DNAH14: variants seen among roughly 807,000 people sequenced by gnomAD.
The protein encoded by DNAH14 is dynein axonemal heavy chain 14.
A neutral mutation model predicts 520.9 loss-of-function variants in DNAH14; 478 were observed. That is an observed-to-expected ratio of 0.92 (90% confidence interval 0.85 to 0.99). The LOEUF (loss-of-function observed/expected upper bound fraction) is 0.99. Ranked by LOEUF, DNAH14 falls within the 50% of genes least tolerant of loss-of-function variation. The pLI is 0.00. For missense variants in DNAH14, 4,831 were observed against 5,234.5 expected (o/e 0.92, Z 2.38); for synonymous variants, 1,581 against 1,757.2 (o/e 0.90, Z 2.51).
At chr1:225,396,785 A>C (rs540865183) in intron 84 of DNAH14, 5 of 152,310 alleles carry the variant, frequency 3.3e-5, no homozygotes, top group African/African-American at 1.2e-4. Context: ...GCTGTTTACA[A>C]ATTACCTACA....
Position 225,307,462 on chromosome 1 carries a change from G to T in DNAH14, c.9007G>T (p.Asp3003Tyr), listed in dbSNP as rs1217361350. The change falls in exon 59 of 86, where the codon GAT becomes TAT. Residue 3003 changes from aspartate (D) to tyrosine (Y), a missense_variant and splice_region_variant. By Grantham distance (160) the Asp-to-Tyr change is radical. Coordinates refer to ENST00000682510, the MANE Select transcript of DNAH14 (RefSeq NM_001367479.1). ...TCTTAATACTTTTTCTTCCTTCAGG[G>T]ATCGCTTCCATATGGGTCTATCCAC... ...AREEEMQTKR[D>Y]RFHMGLSTIL... 10 of 1,525,976 alleles carry T rather than the reference G, an allele frequency of 6.6e-6. No individual in the cohort carries two copies. In the East Asian group the frequency reaches 1.0e-4, roughly 15 times the overall value. 94.5% of individuals were successfully genotyped at this position (1,525,976 alleles called of 1,614,324 possible).
intron 81 of DNAH14, among the ~76,000 whole-genome samples, chr1:225,386,680 G>A (rs1193988735): frequency 2.0e-4 from 30 of 152,182 alleles, no homozygotes; most frequent in African/African-American, 4.3e-4. Context: ...AACCACAATG[G>A]GATACCATCT....
chr1:225,006,068 C>T (rs929741191), intron 9 of DNAH14, among the ~76,000 whole-genome samples: 2 of 152,088 alleles, frequency 1.3e-5, no homozygotes, highest in African/African-American at 2.4e-5. Context: ...CAGATAAATA[C>T]TTTTATAATT....
chr1:224,948,631 A>G lies in DNAH14; in HGVS notation c.-33-4039A>G, dbSNP rs577586543. Among the ~76,000 whole-genome samples, 6 of 151,698 alleles carry G rather than the reference A, an allele frequency of 4.0e-5. No homozygotes were observed. In the South Asian group the frequency reaches 8.3e-4, roughly 21 times the overall value. On this transcript the variant is annotated intron_variant, in intron 1 of 85. Transcript: ENST00000682510. The stretch of plus-strand genomic sequence containing the variant: ...CTTTCTCTTTTGTTCTGACTCTTCT[A>G]TTTATCTTTCTGTCTCCTCTTAGAT...
In DNAH14 at chr1:224,945,013, G is replaced by T. The variant is rs986267695; in HGVS notation, c.-33-7657G>T. ...GAGGAATATCTTTGTGGCATTCTCTGTATTTCCTGAATTTGAATGTTGGCC... is the reference window on the plus strand; with the variant it reads ...GAGGAATATCTTTGTGGCATTCTCTTTATTTCCTGAATTTGAATGTTGGCC... On this transcript the variant is annotated intron_variant, in intron 1 of 85. Transcript: ENST00000682510. 5.9e-5 allele frequency among the ~76,000 whole-genome samples: 9 copies of T among 152,258 alleles called. No individual in the cohort carries two copies. In the East Asian group the frequency reaches 1.5e-3, roughly 26 times the overall value.
At chr1:225,394,377 C>T (rs546081459) in intron 84 of DNAH14, among the ~76,000 whole-genome samples, 2 of 152,214 alleles carry the variant, frequency 1.3e-5, no homozygotes, top group South Asian at 4.1e-4. Flanking sequence ...TTTTGATGAA[C>T]AAAAATTTTT....
At chr1:225,201,149 T>A (rs2086774403) in intron 38 of DNAH14, among the ~76,000 whole-genome samples, 1 of 152,006 alleles carries the variant, frequency 6.6e-6, no homozygotes, top group Admixed American at 6.6e-5. Flanking sequence ...CTTGTTCAAT[T>A]CTATTGCTGA....
rs557018232 is a variant in DNAH14 at position 225,288,274 on chromosome 1, T to G, written c.8272-1611T>G. Among the ~76,000 whole-genome samples the G allele has an allele frequency of 6.6e-5, 10 of 152,186 alleles. No individual in the cohort carries two copies. In the South Asian group the frequency reaches 2.1e-3, roughly 32 times the overall value. ...AAACAGCAGGAAAATCCTAGTTAAG[T>G]GACATTCCATAAAATACCTGATCAG... On this transcript the variant is annotated intron_variant, in intron 54 of 85. Coordinates refer to ENST00000682510, the MANE Select transcript of DNAH14 (RefSeq NM_001367479.1).
chr1:225,023,838 T>A lies in DNAH14; in HGVS notation c.1331T>A (p.Val444Glu). The change falls in exon 11 of 86, where the codon GTG becomes GAG. Residue 444 changes from valine to glutamate, a missense_variant. Physicochemically the swap from Val to Glu is moderately radical, Grantham distance 121 (BLOSUM62 -2). Coordinates refer to ENST00000682510, the MANE Select transcript of DNAH14 (RefSeq NM_001367479.1). ...GGTTCTGCTGGAATGCCATTTTCAG[T>A]GGAAAAAAAGAATGAAAATCTTATC... ...FNGSAGMPFSVEKKNENLIRT... is the reference protein window; with the variant it reads ...FNGSAGMPFSEEKKNENLIRT... 6.5e-7 allele frequency: 1 copy of A among 1,529,554 alleles called. No homozygotes were observed. The allele number at this position is 1,529,554 out of a possible 1,614,324, so 94.7% of individuals were successfully genotyped here.
At position 225,026,954 on chromosome 1, in the gene DNAH14, G is replaced by A. The variant is rs144157012; in HGVS notation, c.1358+3089G>A. On this transcript the variant is annotated intron_variant, in intron 11 of 85. Transcript: ENST00000682510. ...CTTTCAATATTTTGTGGTTTTCAGTGTATGAATCATGCATTTTTTTTGGTA... is the reference window on the plus strand; with the variant it reads ...CTTTCAATATTTTGTGGTTTTCAGTATATGAATCATGCATTTTTTTTGGTA... Among the ~76,000 whole-genome samples the A allele has an allele frequency of 2.6e-3, 315 of 121,448 alleles. 1 individual carries two copies. Among genetic ancestry groups the A allele is most frequent in the African/African-American group, 8.4e-3 (301 of 35,738 alleles). The allele number at this position is 121,448 out of a possible 152,430, so 79.7% of individuals were successfully genotyped here. A position where few individuals can be genotyped will look rare whatever the true frequency, so the allele number is the denominator to read the frequency against.
chr1:225,223,784 T>G (rs565591257), intron 41 of DNAH14, among the ~76,000 whole-genome samples: 32 of 152,318 alleles, frequency 2.1e-4, no homozygotes, highest in Admixed American at 5.9e-4. Context: ...CATTGGAAAG[T>G]GCTTTCTCAA....
At chr1:224,982,201 T>A (rs2062323570) in intron 8 of DNAH14, among the ~76,000 whole-genome samples, 1 of 152,206 alleles carries the variant, frequency 6.6e-6, no homozygotes, top group South Asian at 2.1e-4. Flanking sequence ...CACAAGTGTA[T>A]TGACTCAGAG....
intron 28 of DNAH14, among the ~76,000 whole-genome samples, chr1:225,141,684 G>T (rs1321428180): frequency 1.3e-5 from 2 of 151,994 alleles, no homozygotes; most frequent in African/African-American, 4.8e-5. Context: ...CTTTCCATGG[G>T]CATTCAGAGC....
At chr1:224,954,880 G>A (rs2060413875) in intron 2 of DNAH14, 79 bp from the exon 3 acceptor site, 1 of 1,094,550 alleles carries the variant, frequency 9.1e-7, no homozygotes, top group Non-Finnish European at 1.3e-6. Flanking sequence ...GTGAAATTTT[G>A]GTAATATGCT....
chr1:225,047,925 T>C (rs1478442092), intron 15 of DNAH14, among the ~76,000 whole-genome samples: 3 of 152,212 alleles, frequency 2.0e-5, no homozygotes, highest in East Asian at 3.9e-4. Flanking sequence ...GTTGATGTTT[T>C]AAAACTTATA....
chr1:225,104,845 T>C (rs1260125662), intron 23 of DNAH14, among the ~76,000 whole-genome samples: 2 of 152,194 alleles, frequency 1.3e-5, no homozygotes, highest in Non-Finnish European at 2.9e-5. Context: ...AGCTCCTAGA[T>C]TCATTGATTT....
intron 36 of DNAH14, 141 bp from the exon 37 acceptor site, chr1:225,185,150 A>T: frequency 1.1e-6 from 1 of 901,306 alleles, no homozygotes; most frequent in African/African-American, 1.8e-5. Flanking sequence ...CACCAATAAC[A>T]TTCATGCTGA....
At chr1:225,023,555 A>G in intron 10 of DNAH14, 60 bp from the exon 11 acceptor site, 1 of 1,351,846 alleles carries the variant, frequency 7.4e-7, no homozygotes, top group Non-Finnish European at 9.8e-7. Context: ...TAAACTAGAA[A>G]TCATGCTATA....
Position 225,346,324 on chromosome 1 carries a change from C to T in DNAH14, c.11041C>T (p.Leu3681Phe). The stretch of plus-strand genomic sequence containing the variant: ...ACCCAACCTGGAAAATGAGAAAAAT[C>T]TCTTAGATAAGCATATTAAAAGTGC... ...KEPNLENEKN[L>F]LDKHIKSAID... Residue 3681 changes from leucine to phenylalanine, a missense_variant, in exon 70 of 86, where the codon CTC becomes TTC. By Grantham distance (22) the Leu-to-Phe change is conservative (BLOSUM62 0). Coordinates refer to ENST00000682510, the MANE Select transcript of DNAH14 (RefSeq NM_001367479.1). 3.2e-6 allele frequency: 5 copies of T among 1,541,318 alleles called. No individual in the cohort carries two copies. The highest frequency in any genetic ancestry group is 4.4e-6 in the Non-Finnish European group (5 of 1,144,394).
Sources: gnomAD v4.1 joint callset for allele counts (sites outside exome capture counted in the v4.1 genomes callset) on GRCh38, gnomAD v4.1.1 for gene constraint, MANE v1.5 for transcripts, NCBI Gene and HGNC (gene_info 2026-07-23, HGNC 2026-07-21) for gene names.